The following SLC10A7 variants were observed in gnomAD, a reference collection of about 807,000 sequenced individuals.
SLC10A7 encodes the protein sodium/bile acid cotransporter 7.
In SLC10A7, 29 loss-of-function variants were observed where a neutral mutation model predicts 43.2. The observed-to-expected ratio is 0.67, with a 90% CI of 0.50 to 0.92. SLC10A7 has a LOEUF of 0.92. Among genes scored for constraint, SLC10A7 ranks in the 40% least tolerant of loss-of-function variants. SLC10A7 has a pLI of 0.00. For missense variants in SLC10A7, 295 were observed against 403.2 expected, an observed-to-expected ratio of 0.73 and a Z score of 2.30; for synonymous variants, 152 against 144.8, an observed-to-expected ratio of 1.05 and a Z score of -0.35.
At chr4:146,404,529 T>A (rs1739448146) in intron 5 of SLC10A7, among the ~76,000 whole-genome samples, 1 of 151,224 alleles carries the variant, frequency 6.6e-6, no homozygotes, top group Non-Finnish European at 1.5e-5. Context: ...TGGTTTAAGA[T>A]CTTTGTTCAT....
intron 5 of SLC10A7, among the ~76,000 whole-genome samples, chr4:146,349,223 G>A (rs1734842876): frequency 6.6e-6 from 1 of 151,842 alleles, no homozygotes; most frequent in African/African-American, 2.4e-5. Context: ...CTTCTCAAAA[G>A]AAGACATACA....
In SLC10A7 at chr4:146,418,146, A is replaced by G. The variant is rs531286725; in HGVS notation, c.435+24637T>C. On this transcript the variant is annotated intron_variant, in intron 5 of 11. Coordinates refer to ENST00000335472, the MANE Select transcript of SLC10A7 (RefSeq NM_001029998.6). ...CCAGGGACTGTCACAAAGATTTAGC[A>G]TTTGCGCTCTTCTTCCTAAGCTTCC... Among the ~76,000 whole-genome samples, 25 of 152,262 alleles carry G rather than the reference A, an allele frequency of 1.6e-4. No homozygotes were observed. In the South Asian group the frequency reaches 5.0e-3, roughly 30 times the overall value.
At chr4:146,490,424 C>T (rs1735292471) in intron 4 of SLC10A7, among the ~76,000 whole-genome samples, 1 of 151,990 alleles carries the variant, frequency 6.6e-6, no homozygotes, top group Admixed American at 6.6e-5. Context: ...TTGTAGAATA[C>T]TCTATCATGC....
intron 4 of SLC10A7, among the ~76,000 whole-genome samples, chr4:146,492,820 C>T (rs1431325219): frequency 2.6e-5 from 4 of 152,046 alleles, no homozygotes; most frequent in Non-Finnish European, 5.9e-5. Context: ...CAGAATATCT[C>T]CTCTCATTTA....
chr4:146,408,980 T>C (rs1049955492), intron 5 of SLC10A7, among the ~76,000 whole-genome samples: 1 of 152,126 alleles, frequency 6.6e-6, no homozygotes, highest in Non-Finnish European at 1.5e-5. Flanking sequence ...CCAAGAGGCA[T>C]AGTAAATTCA....
At chr4:146,430,191 G>C (rs2149867687) in intron 5 of SLC10A7, among the ~76,000 whole-genome samples, 1 of 152,130 alleles carries the variant, frequency 6.6e-6, no homozygotes, top group African/African-American at 2.4e-5. Flanking sequence ...GTTAACATGG[G>C]AATGAAAGAC....
At chr4:146,281,252 A>C (rs1032080359) in intron 10 of SLC10A7, among the ~76,000 whole-genome samples, 2 of 152,174 alleles carry the variant, frequency 1.3e-5, no homozygotes, top group African/African-American at 4.8e-5. Flanking sequence ...CACTGTTCAC[A>C]CTGCTGTGTG....
At chr4:146,344,155 T>C (rs934455458) in intron 5 of SLC10A7, among the ~76,000 whole-genome samples, 48 of 152,002 alleles carry the variant, frequency 3.2e-4, no homozygotes, top group Non-Finnish European at 1.5e-5. Context: ...AGTATCTAAG[T>C]GGGTCTTTGT....
intron 5 of SLC10A7, among the ~76,000 whole-genome samples, chr4:146,414,470 T>A (rs752631341): frequency 2.0e-5 from 3 of 152,108 alleles, no homozygotes; most frequent in Non-Finnish European, 4.4e-5. Context: ...ACGCCTGTAA[T>A]CCCAGCACTT....
intron 4 of SLC10A7, among the ~76,000 whole-genome samples, chr4:146,453,163 T>C (rs1414259970): frequency 1.3e-5 from 2 of 151,940 alleles, no homozygotes; most frequent in Non-Finnish European, 2.9e-5. Flanking sequence ...TTATTTAATA[T>C]TCTAAATCTT....
At chr4:146,388,123 C>A (rs527970350) in intron 5 of SLC10A7, among the ~76,000 whole-genome samples, 52 of 152,180 alleles carry the variant, frequency 3.4e-4, no homozygotes, top group Non-Finnish European at 6.6e-4. Context: ...CAAAGCAATC[C>A]TAAGCAAAAG....
intron 10 of SLC10A7, among the ~76,000 whole-genome samples, chr4:146,268,905 G>A (rs970562520): frequency 1.6e-4 from 25 of 152,132 alleles, no homozygotes; most frequent in African/African-American, 5.5e-4. Context: ...ATAGAATAAT[G>A]GATGGTAAAA....
chr4:146,422,285 A>G (rs1729020780), intron 5 of SLC10A7, among the ~76,000 whole-genome samples: 1 of 152,134 alleles, frequency 6.6e-6, no homozygotes, highest in South Asian at 2.1e-4. Context: ...ATAATGTATA[A>G]TATTTTAGGG....
intron 4 of SLC10A7, among the ~76,000 whole-genome samples, chr4:146,445,309 AT>A (rs1304312292): frequency 6.6e-6 from 1 of 152,130 alleles, no homozygotes; most frequent in Non-Finnish European, 1.5e-5. Flanking sequence ...GGGTTGGCTC[AT>A]TTACTTGGCC....
intron 5 of SLC10A7, among the ~76,000 whole-genome samples, chr4:146,342,432 G>T (rs536184229): frequency 1.3e-4 from 19 of 151,270 alleles, no homozygotes; most frequent in African/African-American, 4.6e-4. Flanking sequence ...GCAAATACAA[G>T]AAAAAAATAA....
chr4:146,482,345 G>A lies in SLC10A7; in HGVS notation c.396+21504C>T, dbSNP rs1403163722. ...TAAGGAAACTCAGCAAGATATAAAA[G>A]AATACAGATAGACAATTTAATGAAA... On this transcript the variant is annotated intron_variant, in intron 4 of 11. Coordinates refer to ENST00000335472, the MANE Select transcript of SLC10A7 (RefSeq NM_001029998.6). 2.6e-5 allele frequency among the ~76,000 whole-genome samples: 4 copies of A among 152,044 alleles called. No individual in the cohort carries two copies. The East Asian group carries it at 7.7e-4, about 29-fold the overall frequency.
At chr4:146,360,709 A>G (rs1735984769) in intron 5 of SLC10A7, among the ~76,000 whole-genome samples, 1 of 152,096 alleles carries the variant, frequency 6.6e-6, no homozygotes, top group Admixed American at 6.6e-5. Context: ...CTCTCTCCTC[A>G]GACTCCCAAA....
Position 146,521,640 on chromosome 4 carries a change from C to T in SLC10A7, c.78G>A (p.Glu26=). 6.2e-7 allele frequency: 1 copy of T among 1,614,180 alleles called. No homozygotes were observed. ...IVLAIAGAKL[E]PSIGVNGGPL... is the part of the protein sequence containing the mutation. ...TACCCCCATTCACCCCTATGGACGGCTCCAGTTTAGCTCCAGCGATCGCCA... is the reference window on the plus strand; with the variant it reads ...TACCCCCATTCACCCCTATGGACGGTTCCAGTTTAGCTCCAGCGATCGCCA... Residue 26 remains glutamate, a synonymous_variant, in exon 1 of 12, where the codon GAG becomes GAA. Transcript: ENST00000335472.
At chr4:146,306,101 G>T in intron 6 of SLC10A7, 92 bp from the exon 7 acceptor site, 3 of 1,023,532 alleles carry the variant, frequency 2.9e-6, no homozygotes, top group Non-Finnish European at 4.0e-6. Flanking sequence ...ATTTTCTCAG[G>T]CGCACCAAAA....
Sources: allele counts gnomAD v4.1 joint callset (sites outside exome capture counted in the v4.1 genomes callset), GRCh38; gene constraint gnomAD v4.1.1; transcripts MANE v1.5; gene names NCBI Gene and HGNC (gene_info 2026-07-23, HGNC 2026-07-21).